THEMIS2: variants seen among roughly 807,000 people sequenced by gnomAD.
The protein encoded by THEMIS2 is thymocyte selection associated family member 2.
Under a neutral mutation model 46.8 loss-of-function variants are expected in THEMIS2, and 29 were observed. That is an observed-to-expected ratio of 0.62 (90% CI 0.46 to 0.84). THEMIS2 has a LOEUF of 0.84. Among genes scored for constraint, THEMIS2 ranks in the 40% least tolerant of loss-of-function variants. The pLI is 0.00. For synonymous variants in THEMIS2, 335 were observed against 349.1 expected (o/e 0.96, Z 0.45); for missense variants, 698 against 834.7 (o/e 0.84, Z 2.02).
In THEMIS2 at chr1:27,872,711, C is replaced by T; in HGVS notation, c.94+46C>T. 1 of 1,243,640 alleles carries T rather than the reference C, an allele frequency of 8.0e-7. No individual in the cohort carries two copies. The highest frequency in any genetic ancestry group is 1.0e-6 in the Non-Finnish European group (1 of 985,824). 77.0% of individuals were successfully genotyped at this position (1,243,640 alleles called of 1,614,324 possible). A position where few individuals can be genotyped will look rare whatever the true frequency, so the allele number is the denominator to read the frequency against. On this transcript the variant is annotated intron_variant, in intron 1 of 5. Transcript: ENST00000373921. This position sits in a 1 kb window ranked among gnomAD's most constrained non-coding sequence, Gnocchi z 4.9. ...CTCCGAGCACTCCCTTGGTGTGGGG[C>T]GGGGGCAGAGACCCGGAGAAGACGT...
rs2089696531 is a variant in THEMIS2 at position 27,882,328 on chromosome 1, A to G, written c.1004A>G (p.Tyr335Cys). The change falls in exon 4 of 6, where the codon TAT (tyrosine) becomes TGT (cysteine). Residue 335 changes from tyrosine to cysteine, a missense_variant. By Grantham distance (194) the Tyr-to-Cys change is radical. Transcript: ENST00000373921. This position sits in a 1 kb window ranked among gnomAD's most constrained non-coding sequence, Gnocchi z 7.6. ...RRRPREFPTA[Y>C]DLLGAFQPGR... The stretch of plus-strand genomic sequence containing the variant: ...CGGCCAAGGGAGTTCCCCACGGCCT[A>G]TGACCTCCTAGGTGCTTTCCAGCCA... 6.3e-7 allele frequency: 1 copy of G among 1,589,222 alleles called. No homozygotes were observed. The highest frequency in any genetic ancestry group is 8.6e-7 in the Non-Finnish European group (1 of 1,166,064).
rs1404335350 is a variant in THEMIS2 at position 27,885,435 on chromosome 1, C to T, written c.1860C>T (p.Pro620=). 3 of 1,613,982 alleles carry T rather than the reference C, an allele frequency of 1.9e-6. No individual in the cohort carries two copies. Among genetic ancestry groups the T allele is most frequent in the Admixed American group, 1.7e-5 (1 of 60,012 alleles). ...AHRKGHRPAK[P]QRQDLDDDEH... ...GGAAGGGCCACAGGCCCGCTAAGCC[C>T]CAAAGGCAGGATCTAGGTGAGTCCC... The change falls in exon 5 of 6, where the codon CCC becomes CCT. Residue 620 remains proline (P), a synonymous_variant. Transcript: ENST00000373921.
chr1:27,877,569 T>C (rs12140012), intron 2 of THEMIS2, among the ~76,000 whole-genome samples: 17,464 of 152,046 alleles, frequency 0.11, 1,022 homozygotes, highest in Non-Finnish European at 0.13. Flanking sequence ...CCTCGTGATC[T>C]GCCCGCCTTG....
rs987572748 is a variant in THEMIS2 at position 27,872,812 on chromosome 1, A to G, written c.94+147A>G. The G allele has an allele frequency of 6.3e-6, 4 of 635,626 alleles. No homozygotes were observed. The South Asian group carries it at 1.8e-4, about 29-fold the overall frequency. The allele number at this position is 635,626 out of a possible 1,614,324, so 39.4% of individuals were successfully genotyped here. On this transcript the variant is annotated intron_variant, in intron 1 of 5. Transcript: ENST00000373921. The surrounding 1 kb of genome is among the most constrained non-coding windows in gnomAD (Gnocchi z 4.9). ...GCCAAGCTGTGTGATTTGGGGCCGC[A>G]CTCAACCTCTTTGGACCTCGGCTTT...
chr1:27,881,503 G>A (rs989859613), intron 3 of THEMIS2, among the ~76,000 whole-genome samples: 25 of 151,942 alleles, frequency 1.6e-4, no homozygotes, highest in Non-Finnish European at 2.9e-4. Context: ...GTGGCGTAGT[G>A]TAAATTGGAA....
intron 1 of THEMIS2, among the ~76,000 whole-genome samples, 189 bp from the exon 2 acceptor site, chr1:27,876,399 A>G (rs1219858994): frequency 6.6e-6 from 1 of 152,146 alleles, no homozygotes; most frequent in Non-Finnish European, 1.5e-5. Flanking sequence ...CACCGATGCC[A>G]GGAGGGGCAA....
At position 27,882,732 on chromosome 1, in the gene THEMIS2, ACCT is replaced by A. The variant is rs1311519897; in HGVS notation, c.1412_1414del (p.Ser471del). ...CACCAGCCACCCCACTGACCCTCTGACCTCCTTCCTGGGCCTGCGGCTGGAGGA... is the reference window on the plus strand; with the variant it reads ...CACCAGCCACCCCACTGACCCTCTGACCTTCCTGGGCCTGCGGCTGGAGGA... On this transcript the variant is annotated inframe_deletion, in exon 4 of 6. Coordinates refer to ENST00000373921, the MANE Select transcript of THEMIS2 (RefSeq NM_001105556.3). The surrounding 1 kb of genome is among the most constrained non-coding windows in gnomAD (Gnocchi z 7.6). 3 of 1,611,832 alleles carry A rather than the reference ACCT, an allele frequency of 1.9e-6. No homozygotes were observed. Among genetic ancestry groups the A allele is most frequent in the Non-Finnish European group, 2.5e-6 (3 of 1,179,720 alleles).
In THEMIS2 at chr1:27,880,043, C is replaced by A; in HGVS notation, c.635C>A (p.Ala212Asp). The part of the protein sequence containing the change: ...LILRPQYEIQ[A>D]IMHMRRTIVK... The stretch of plus-strand genomic sequence containing the variant: ...CTGCGGCCCCAGTATGAGATCCAAG[C>A]CATCATGCACAGTGAGTTGCCTGGG... Residue 212 changes from alanine to aspartate, a missense_variant, in exon 3 of 6, where the codon GCC (alanine) becomes GAC (aspartate). Transcript: ENST00000373921. 6.3e-7 allele frequency: 1 copy of A among 1,594,646 alleles called. No homozygotes were observed. The highest frequency in any genetic ancestry group is 8.6e-7 in the Non-Finnish European group (1 of 1,164,894).
At chr1:27,878,796 A>G (rs2089630047) in intron 2 of THEMIS2, among the ~76,000 whole-genome samples, 1 of 152,174 alleles carries the variant, frequency 6.6e-6, no homozygotes. Context: ...TTTGAATTCC[A>G]GCAACTATCC....
intron 2 of THEMIS2, among the ~76,000 whole-genome samples, chr1:27,879,102 C>T (rs111604479): frequency 3.4e-5 from 5 of 147,052 alleles, no homozygotes; most frequent in Admixed American, 6.8e-5. Flanking sequence ...CAGCTGCTGG[C>T]GGAATGGGTG....
chr1:27,882,078 G>A lies in THEMIS2; in HGVS notation c.754G>A (p.Val252Ile). 2 of 1,614,222 alleles carry A rather than the reference G, an allele frequency of 1.2e-6. No homozygotes were observed. Among genetic ancestry groups the A allele is most frequent in the Non-Finnish European group, 1.7e-6 (2 of 1,180,034 alleles). The change falls in exon 4 of 6, where the codon GTC becomes ATC. Residue 252 changes from valine to isoleucine, a missense_variant. Physicochemically the swap from Val to Ile is conservative, Grantham distance 29. Transcript: ENST00000373921. This position sits in a 1 kb window ranked among gnomAD's most constrained non-coding sequence, Gnocchi z 7.6. ...HFIKPLLLSE[V>I]LAWEGPFPLS... ...TATCAAACCGCTGCTGCTGAGCGAG[G>A]TCCTGGCCTGGGAAGGCCCTTTCCC...
At chr1:27,874,367 G>A (rs1230723361) in intron 1 of THEMIS2, among the ~76,000 whole-genome samples, 2 of 152,068 alleles carry the variant, frequency 1.3e-5, no homozygotes, top group African/African-American at 4.8e-5. Context: ...TAGGTTGTGT[G>A]TGATAGCTCA....
Position 27,886,075 on chromosome 1 carries a change from C to A in THEMIS2, c.*153C>A. On this transcript the variant is annotated 3_prime_UTR_variant, in exon 6 of 6. Transcript: ENST00000373921. The stretch of plus-strand genomic sequence containing the variant: ...GTGGAAACTGATTTGATGGACACTG[C>A]ACCAGCTTCCTTCAGGTTCTAGATT... The A allele has an allele frequency of 1.5e-6, 1 of 675,696 alleles. No individual in the cohort carries two copies. Among genetic ancestry groups the A allele is most frequent in the Non-Finnish European group, 2.6e-6 (1 of 391,318 alleles). The allele number at this position is 675,696 out of a possible 1,614,324, so 41.9% of individuals were successfully genotyped here. A position where few individuals can be genotyped will look rare whatever the true frequency, so the allele number is the denominator to read the frequency against.
chr1:27,885,082 T>C (rs2148644519), intron 4 of THEMIS2: 1 of 520,072 alleles, frequency 1.9e-6, no homozygotes, highest in Non-Finnish European at 3.4e-6. Context: ...CCCCCAACCC[T>C]ATCCTCATTT....
chr1:27,882,279 G>T lies in THEMIS2; in HGVS notation c.955G>T (p.Gly319Cys), dbSNP rs370501668. ...KVPRHFLVSGGYQGKLRRRPR... is the reference protein window; with the variant it reads ...KVPRHFLVSGCYQGKLRRRPR... ...GCCCAGGCACTTCCTGGTGTCAGGGGGCTACCAAGGCAAGCTGCGGCGGCG... is the reference window on the plus strand; with the variant it reads ...GCCCAGGCACTTCCTGGTGTCAGGGTGCTACCAAGGCAAGCTGCGGCGGCG... Residue 319 changes from glycine (G) to cysteine (C), a missense_variant, in exon 4 of 6, where the codon GGC (glycine) becomes TGC (cysteine). By Grantham distance (159) the Gly-to-Cys change is radical. Transcript: ENST00000373921. This position sits in a 1 kb window ranked among gnomAD's most constrained non-coding sequence, Gnocchi z 7.6. 1 of 1,606,666 alleles carries T rather than the reference G, an allele frequency of 6.2e-7. No homozygotes were observed. The highest frequency in any genetic ancestry group is 1.3e-5 in the African/African-American group (1 of 74,884).
intron 1 of THEMIS2, among the ~76,000 whole-genome samples, chr1:27,873,733 T>C (rs2089528737): frequency 1.3e-5 from 2 of 152,184 alleles, no homozygotes; most frequent in African/African-American, 4.8e-5. Flanking sequence ...GCCTGGGATC[T>C]GTTTGCTCTT....
chr1:27,882,602 C>T lies in THEMIS2; in HGVS notation c.1278C>T (p.Phe426=). ...SPERVLLPFH[F]PGSFVEEMSD... Reference sequence around the variant, plus strand: ...AGCGGGTCCTGCTGCCCTTCCACTTCCCTGGCAGTTTCGTGGAGGAGATGA... The same window carrying T: ...AGCGGGTCCTGCTGCCCTTCCACTTTCCTGGCAGTTTCGTGGAGGAGATGA... Residue 426 remains phenylalanine, a synonymous_variant, in exon 4 of 6, where the codon TTC becomes TTT. Coordinates refer to ENST00000373921, the MANE Select transcript of THEMIS2 (RefSeq NM_001105556.3). The surrounding 1 kb of genome is among the most constrained non-coding windows in gnomAD (Gnocchi z 7.6). The T allele has an allele frequency of 6.2e-7, 1 of 1,614,190 alleles. No individual in the cohort carries two copies. The highest frequency in any genetic ancestry group is 1.1e-5 in the South Asian group (1 of 91,082).
At position 27,885,941 on chromosome 1, in the gene THEMIS2, T is replaced by C; in HGVS notation, c.*19T>C. On this transcript the variant is annotated 3_prime_UTR_variant, in exon 6 of 6. Coordinates refer to ENST00000373921, the MANE Select transcript of THEMIS2 (RefSeq NM_001105556.3). ...CATCTAAGTGCTGGAGGAACCACGC[T>C]TCCTAACTGCTGCTTCTCAGGGAAT... The C allele has an allele frequency of 6.2e-7, 1 of 1,613,208 alleles. No individual in the cohort carries two copies. Among genetic ancestry groups the C allele is most frequent in the Non-Finnish European group, 8.5e-7 (1 of 1,179,274 alleles).
Position 27,882,036 on chromosome 1 carries a change from TC to T in THEMIS2, c.715del (p.Arg239GlyfsTer11). 6.2e-7 allele frequency: 1 copy of T among 1,614,156 alleles called. No homozygotes were observed. Among genetic ancestry groups the T allele is most frequent in the Non-Finnish European group, 8.5e-7 (1 of 1,180,032 alleles). On this transcript the variant is annotated frameshift_variant, in exon 4 of 6. Transcript: ENST00000373921. LOFTEE classifies it high-confidence loss of function. The surrounding 1 kb of genome is among the most constrained non-coding windows in gnomAD (Gnocchi z 7.6). ...CGACGTGGAGGACGTCACCGCCTCC[TC>T]CCGGCACGTCCACTTTATCAAACCG... ...EVDVEDVTAS[S>X]RHVHFIKPLL...
Sources: gnomAD v4.1 joint callset for allele counts (sites outside exome capture counted in the v4.1 genomes callset) on GRCh38, gnomAD v4.1.1 for gene constraint, Gnocchi (gnomAD v3.1) non-coding constraint, MANE v1.5 for transcripts, NCBI Gene and HGNC (gene_info 2026-07-23, HGNC 2026-07-21) for gene names.